ROBO2: variants seen among roughly 807,000 people sequenced by gnomAD.
ROBO2 encodes the protein roundabout homolog 2.
A neutral mutation model predicts 160.8 loss-of-function variants in ROBO2; 53 were observed. The observed-to-expected ratio is 0.33, with a 90% CI of 0.26 to 0.41. The LOEUF (loss-of-function observed/expected upper bound fraction) is 0.41. ROBO2 is among the 10% of genes least tolerant of loss of function. ROBO2 has a pLI of 1.00. For missense variants in ROBO2, 1,577 were observed against 1,722.4 expected (o/e 0.92, Z 1.49); for synonymous variants, 664 against 611.7 (o/e 1.09, Z -1.26).
chr3:77,553,614 C>CA (rs2093002927), intron 8 of ROBO2, among the ~76,000 whole-genome samples: 1 of 151,762 alleles, frequency 6.6e-6, no homozygotes, highest in South Asian at 2.1e-4. Context: ...CCAGTGAACA[C>CA]AAAAAATGAT....
chr3:76,744,419 G>A (rs1238938445), intron 2 of ROBO2, among the ~76,000 whole-genome samples: 1 of 151,698 alleles, frequency 6.6e-6, no homozygotes, highest in African/African-American at 2.4e-5. Context: ...TAGTGCAGTG[G>A]CACAATCATA....
intron 2 of ROBO2, among the ~76,000 whole-genome samples, chr3:77,203,535 T>TCA (rs1389032766): frequency 6.6e-6 from 1 of 152,232 alleles, no homozygotes; most frequent in Non-Finnish European, 1.5e-5. Context: ...ATTTAAAATG[T>TCA]CAGTTTTACA....
chr3:76,228,917 T>A (rs1323811089), intron 2 of ROBO2, among the ~76,000 whole-genome samples: 1 of 152,152 alleles, frequency 6.6e-6, no homozygotes, highest in Non-Finnish European at 1.5e-5. Context: ...GACGCTGAGA[T>A]GGGAGGATTG....
At chr3:76,401,329 T>A (rs1310574399) in intron 2 of ROBO2, among the ~76,000 whole-genome samples, 1 of 151,566 alleles carries the variant, frequency 6.6e-6, no homozygotes, top group Non-Finnish European at 1.5e-5. Flanking sequence ...CATTCTAATT[T>A]GAAGATGCTA....
intron 2 of ROBO2, among the ~76,000 whole-genome samples, chr3:76,290,420 A>G (rs942866841): frequency 6.6e-6 from 1 of 152,156 alleles, no homozygotes; most frequent in African/African-American, 2.4e-5. Flanking sequence ...GCTTTTGGGC[A>G]GAGACTATGG....
At chr3:77,058,165 C>T (rs2065946068) in intron 1 of ROBO2, among the ~76,000 whole-genome samples, 1 of 151,978 alleles carries the variant, frequency 6.6e-6, no homozygotes, top group Admixed American at 6.6e-5. Flanking sequence ...ACTAAGCTTC[C>T]AAGTATCACC....
chr3:76,220,136 A>T (rs1703861784), intron 2 of ROBO2, among the ~76,000 whole-genome samples: 2 of 136,814 alleles, frequency 1.5e-5, no homozygotes, highest in Non-Finnish European at 1.5e-5. Context: ...ATGAGAACAC[A>T]TGGATACAGG....
At chr3:77,078,588 C>T (rs929902126) in intron 1 of ROBO2, among the ~76,000 whole-genome samples, 1 of 152,164 alleles carries the variant, frequency 6.6e-6, no homozygotes, top group African/African-American at 2.4e-5. Flanking sequence ...TCATTTCATC[C>T]TTAACATAGT....
intron 2 of ROBO2, among the ~76,000 whole-genome samples, chr3:77,167,915 C>G (rs955180247): frequency 1.3e-5 from 2 of 152,074 alleles, no homozygotes; most frequent in Non-Finnish European, 2.9e-5. Context: ...TTGTTGTTTC[C>G]TGTAAAACTT....
chr3:77,441,288 A>T (rs188890580), intron 2 of ROBO2, among the ~76,000 whole-genome samples: 1 of 151,668 alleles, frequency 6.6e-6, no homozygotes, highest in East Asian at 1.9e-4. Flanking sequence ...CAAAACAGAG[A>T]CGGGAATGTA....
chr3:77,211,982 G>C (rs571096728), intron 2 of ROBO2, among the ~76,000 whole-genome samples: 8 of 152,288 alleles, frequency 5.3e-5, no homozygotes, highest in African/African-American at 1.9e-4. Flanking sequence ...CTGTAGCCTT[G>C]TAGTATAGTT....
intron 23 of ROBO2, 81 bp from the exon 25 acceptor site, chr3:77,634,789 G>C (rs971376269): frequency 6.1e-5 from 80 of 1,309,240 alleles, no homozygotes; most frequent in Middle Eastern, 1.8e-4. Context: ...TTACAGGTTA[G>C]TCATAGTGCA....
intron 2 of ROBO2, among the ~76,000 whole-genome samples, chr3:76,734,602 C>T (rs572686632): frequency 7.2e-5 from 11 of 152,158 alleles, no homozygotes; most frequent in South Asian, 2.1e-4. Flanking sequence ...AGGGTTAGAC[C>T]GCCTTGGCTC....
intron 2 of ROBO2, among the ~76,000 whole-genome samples, chr3:76,135,433 G>C (rs2071394504): frequency 1.3e-5 from 2 of 152,016 alleles, no homozygotes; most frequent in African/African-American, 4.8e-5. Flanking sequence ...ATTTATGTAG[G>C]TAGAACTTGT....
intron 2 of ROBO2, among the ~76,000 whole-genome samples, chr3:76,213,187 T>C (rs1033421099): frequency 8.5e-5 from 13 of 152,118 alleles, no homozygotes; most frequent in Non-Finnish European, 1.8e-4. Flanking sequence ...GATTGGCCAT[T>C]ATAACCTTAA....
At chr3:76,463,521 T>C (rs2078201797) in intron 2 of ROBO2, among the ~76,000 whole-genome samples, 1 of 152,114 alleles carries the variant, frequency 6.6e-6, no homozygotes, top group African/African-American at 2.4e-5. Context: ...GGTCTCACTT[T>C]TGGGGAAATT....
chr3:76,185,941 T>TA, intron 2 of ROBO2, among the ~76,000 whole-genome samples: 1 of 151,276 alleles, frequency 6.6e-6, no homozygotes, highest in Admixed American at 6.6e-5. Context: ...CACAGATTTT[T>TA]TTTTTTTTTT....
chr3:77,336,707 C>T (rs1458322409), intron 2 of ROBO2, among the ~76,000 whole-genome samples: 3 of 152,180 alleles, frequency 2.0e-5, no homozygotes, highest in Non-Finnish European at 4.4e-5. Flanking sequence ...ATGGCAAAGA[C>T]AGGCAAAATC....
chr3:76,726,710 A>G (rs2093558465), intron 2 of ROBO2, among the ~76,000 whole-genome samples: 1 of 152,120 alleles, frequency 6.6e-6, no homozygotes, highest in Admixed American at 6.6e-5. Context: ...TTATGATATC[A>G]GATGTTATTG....
Sources: gnomAD v4.1 joint callset for allele counts (sites outside exome capture counted in the v4.1 genomes callset) on GRCh38, gnomAD v4.1.1 for gene constraint, MANE v1.5 for transcripts, NCBI Gene and HGNC (gene_info 2026-07-23, HGNC 2026-07-21) for gene names.